The following TMEM167A variants were observed in gnomAD, a reference collection of about 807,000 sequenced individuals.
TMEM167A encodes transmembrane protein 167A, also known as protein kish-A.
TMEM167A carries 8 observed loss-of-function variants against 11.6 expected under a neutral mutation model. The ratio of observed to expected loss-of-function variants is 0.69; its 90% CI spans 0.40 to 1.24. The LOEUF is 1.24. Ranked by LOEUF, TMEM167A falls within the 50% of genes most tolerant of loss-of-function variation. The pLI, the probability that TMEM167A is intolerant of heterozygous loss-of-function variation, is 0.01. For synonymous variants in TMEM167A, 22 were observed against 28.0 expected (o/e 0.79, Z 0.67); for missense variants, 62 against 87.0 (o/e 0.71, Z 1.14).
At position 83,064,381 on chromosome 5, in the gene TMEM167A, A is replaced by G. The variant is rs766761323; in HGVS notation, c.113+627T>C. The G allele has an allele frequency of 9.7e-6, 5 of 516,374 alleles. No individual in the cohort carries two copies. The East Asian group carries it at 2.2e-4, about 23-fold the overall frequency. The allele number at this position is 516,374 out of a possible 1,614,324, so 32.0% of individuals were successfully genotyped here. A position where few individuals can be genotyped will look rare whatever the true frequency, so the allele number is the denominator to read the frequency against. On this transcript the variant is annotated intron_variant, in intron 2 of 3. Transcript: ENST00000502346. Reference sequence around the variant, plus strand: ...AGAATTTTCGTGATAGCATAGGGAAAGTATTCTACTACTATGTAATTATTC... The same window carrying G: ...AGAATTTTCGTGATAGCATAGGGAAGGTATTCTACTACTATGTAATTATTC...
intron 3 of TMEM167A, among the ~76,000 whole-genome samples, chr5:83,061,668 T>G (rs1472918952): frequency 6.6e-6 from 1 of 152,246 alleles, no homozygotes; most frequent in East Asian, 1.9e-4. Context: ...GTGCTGGGAC[T>G]ACAGGCGTGA....
At chr5:83,065,783 T>C (rs571202228) in intron 1 of TMEM167A, among the ~76,000 whole-genome samples, 8 of 152,306 alleles carry the variant, frequency 5.3e-5, no homozygotes, top group African/African-American at 1.9e-4. Flanking sequence ...GTTTGAGTCT[T>C]ATTCCAAAGT....
intron 3 of TMEM167A, 150 bp from the exon 4 acceptor site, chr5:83,057,304 T>TA: frequency 1.6e-6 from 1 of 643,734 alleles, no homozygotes; most frequent in Non-Finnish European, 2.8e-6. Flanking sequence ...AGATGCAACA[T>TA]AAAAAACAAG....
chr5:83,074,938 T>G (rs1343908422), intron 1 of TMEM167A, among the ~76,000 whole-genome samples: 1 of 152,128 alleles, frequency 6.6e-6, no homozygotes, highest in Non-Finnish European at 1.5e-5. Context: ...GCCCGGCTAA[T>G]TTTTTATTTT....
intron 1 of TMEM167A, among the ~76,000 whole-genome samples, chr5:83,072,616 C>G (rs1054309536): frequency 2.6e-5 from 4 of 152,118 alleles, no homozygotes; most frequent in African/African-American, 9.7e-5. Context: ...GCAACCTCCA[C>G]CCCTTGGGTT....
chr5:83,064,428 A>ATT (rs1744451263), intron 2 of TMEM167A: 1 of 462,392 alleles, frequency 2.2e-6, no homozygotes. Context: ...AAACACTTAA[A>ATT]TATCTTAGAT....
rs191883355 is a variant in TMEM167A, at chr5:83,054,348, G to C, written c.*2736C>G. The C allele has an allele frequency of 6.6e-6, 1 of 151,440 alleles. No homozygotes were observed. The allele number at this position is 151,440 out of a possible 1,614,324, so 9.4% of individuals were successfully genotyped here. On this transcript the variant is annotated 3_prime_UTR_variant, in exon 4 of 4. Coordinates refer to ENST00000502346, the MANE Select transcript of TMEM167A (RefSeq NM_174909.5). Reference sequence around the variant, plus strand: ...TTTTAAGATTGCTTGAAAAGACAACGCCCTTCCTATTAGCACAGCTGAAGC... The same window carrying C: ...TTTTAAGATTGCTTGAAAAGACAACCCCCTTCCTATTAGCACAGCTGAAGC...
At chr5:83,068,821 C>T (rs1363503799) in intron 1 of TMEM167A, among the ~76,000 whole-genome samples, 1 of 152,124 alleles carries the variant, frequency 6.6e-6, no homozygotes, top group African/African-American at 2.4e-5. Context: ...GTAATGTGTT[C>T]TCTTTCCTTC....
In TMEM167A at chr5:83,058,583, A is replaced by C. The variant is rs907888231; in HGVS notation, c.149-1429T>G. The stretch of plus-strand genomic sequence containing the variant: ...CCATTTGTAAATAAATTTCAGAAAG[A>C]CTTCGTAAGCAAGCCTGTCACTCTT... On this transcript the variant is annotated intron_variant, in intron 3 of 3. Coordinates refer to ENST00000502346, the MANE Select transcript of TMEM167A (RefSeq NM_174909.5). Among the ~76,000 whole-genome samples the C allele has an allele frequency of 3.3e-5, 5 of 152,070 alleles. No individual in the cohort carries two copies. In the East Asian group the frequency reaches 9.6e-4, roughly 29 times the overall value.
intron 1 of TMEM167A, among the ~76,000 whole-genome samples, chr5:83,070,003 A>C (rs1038601909): frequency 6.6e-6 from 1 of 152,162 alleles, no homozygotes; most frequent in African/African-American, 2.4e-5. Context: ...TATTTTGGAA[A>C]ATCAAGTAGA....
chr5:83,072,845 A>G (rs373667633), intron 1 of TMEM167A, among the ~76,000 whole-genome samples: 55 of 152,292 alleles, frequency 3.6e-4, no homozygotes, highest in African/African-American at 1.3e-3. Flanking sequence ...GATTCCTATT[A>G]GCCTAATGAA....
chr5:83,069,958 T>G (rs1248463884), intron 1 of TMEM167A, among the ~76,000 whole-genome samples: 1 of 152,140 alleles, frequency 6.6e-6, no homozygotes. Context: ...GAAACCTCCA[T>G]GTATGGCTTT....
intron 2 of TMEM167A, among the ~76,000 whole-genome samples, chr5:83,063,711 A>T (rs1311888094): frequency 6.6e-6 from 1 of 151,324 alleles, no homozygotes; most frequent in African/African-American, 2.5e-5. Flanking sequence ...ATGCACACAC[A>T]CACACACACG....
chr5:83,061,414 T>A (rs1744404288), intron 3 of TMEM167A, among the ~76,000 whole-genome samples: 1 of 150,398 alleles, frequency 6.6e-6, no homozygotes, highest in Non-Finnish European at 1.5e-5. Flanking sequence ...CTAGTTTTAT[T>A]CTTTTTTTAT....
Position 83,061,945 on chromosome 5 carries a change from T to C in TMEM167A, c.114-34A>G, listed in dbSNP as rs546014860. ...AATAAAAAAAGAAAAAAAGTAGCTATTGATTACTCGGAAAGGTAAATTATT... is the reference window on the plus strand; with the variant it reads ...AATAAAAAAAGAAAAAAAGTAGCTACTGATTACTCGGAAAGGTAAATTATT... On this transcript the variant is annotated intron_variant, in intron 2 of 3. Coordinates refer to ENST00000502346, the MANE Select transcript of TMEM167A (RefSeq NM_174909.5). 14 of 1,562,180 alleles carry C rather than the reference T, an allele frequency of 9.0e-6. No individual in the cohort carries two copies. The South Asian group carries it at 1.1e-4, about 12-fold the overall frequency.
At chr5:83,057,209 T>C in intron 3 of TMEM167A, 55 bp from the exon 4 acceptor site, 4 of 1,513,502 alleles carry the variant, frequency 2.6e-6, no homozygotes, top group Middle Eastern at 1.7e-4. Flanking sequence ...AACCTGGCTA[T>C]GACAAGGTTA....
intron 3 of TMEM167A, among the ~76,000 whole-genome samples, chr5:83,057,523 C>T (rs556743031): frequency 3.7e-4 from 57 of 152,032 alleles, no homozygotes; most frequent in South Asian, 2.3e-3. Flanking sequence ...TATTTTCTGT[C>T]TATAAAAAGA....
At chr5:83,059,500 C>G (rs567223109) in intron 3 of TMEM167A, among the ~76,000 whole-genome samples, 1 of 148,220 alleles carries the variant, frequency 6.7e-6, no homozygotes, top group East Asian at 1.9e-4. Context: ...TTCTTAACCA[C>G]TGTTTCTTGG....
rs1561300408 is a variant in TMEM167A, at chr5:83,056,594, G to A, written c.*490C>T. On this transcript the variant is annotated 3_prime_UTR_variant, in exon 4 of 4. Coordinates refer to ENST00000502346, the MANE Select transcript of TMEM167A (RefSeq NM_174909.5). ...GTTTGCTAAGAGTAGAGGTACTCTG[G>A]TTAATGATCAAAATGGTGTGCCCAG... The A allele has an allele frequency of 6.1e-6, 1 of 164,620 alleles. No individual in the cohort carries two copies. The highest frequency in any genetic ancestry group is 1.9e-4 in the East Asian group (1 of 5,332). The allele number at this position is 164,620 out of a possible 1,614,324, so 10.2% of individuals were successfully genotyped here. A position where few individuals can be genotyped will look rare whatever the true frequency, so the allele number is the denominator to read the frequency against.
Sources: allele counts gnomAD v4.1 joint callset (sites outside exome capture counted in the v4.1 genomes callset), GRCh38; gene constraint gnomAD v4.1.1; transcripts MANE v1.5; gene names NCBI Gene and HGNC (gene_info 2026-07-23, HGNC 2026-07-21).